The following TPT1 variants were observed in gnomAD, a reference collection of about 807,000 sequenced individuals.
TPT1 encodes the protein tumor protein, translationally-controlled 1.
Under a neutral mutation model 22.8 loss-of-function variants are expected in TPT1, and 5 were observed. The observed-to-expected ratio is 0.22, with a 90% confidence interval of 0.11 to 0.46. TPT1 has a LOEUF of 0.46. TPT1 is among the 20% of genes least tolerant of loss of function. The pLI, the probability that TPT1 is intolerant of heterozygous loss-of-function variation, is 0.99. For synonymous variants in TPT1, 89 were observed against 73.6 expected (o/e 1.21, Z -1.07); for missense variants, 130 against 218.7 (o/e 0.59, Z 2.56).
intron 5 of TPT1, 107 bp from the exon 6 acceptor site, chr13:45,337,495 T>C (rs1878779215): frequency 6.2e-7 from 1 of 1,614,000 alleles, no homozygotes; most frequent in Non-Finnish European, 8.5e-7. Flanking sequence ...TATTCCCCAA[T>C]TCAATCTGGG....
intron 4 of TPT1, 141 bp downstream of exon 4, chr13:45,339,356 A>G: frequency 3.3e-6 from 2 of 600,050 alleles, no homozygotes; most frequent in Non-Finnish European, 2.7e-6. Context: ...TCAGAAGACA[A>G]GATTTGGAAA....
intron 4 of TPT1, 158 bp downstream of exon 4, chr13:45,339,338 AT>A (rs767298709): frequency 1.5e-5 from 8 of 544,380 alleles, no homozygotes; most frequent in Non-Finnish European, 2.5e-5. Flanking sequence ...TGGGAAGCAA[AT>A]TTTCAATCAG....
chr13:45,341,105 T>C lies in TPT1; in HGVS notation c.-36A>G. ...GAAGGGAGACGACGACGGCGCTAGC[T>C]TAGCACGAGCCTGAAACTCGGAGCG... is the stretch of plus-strand genomic sequence containing the variant. On this transcript the variant is annotated 5_prime_UTR_variant, in exon 1 of 6. Coordinates refer to ENST00000530705, the MANE Select transcript of TPT1 (RefSeq NM_003295.4). The C allele has an allele frequency of 6.2e-7, 1 of 1,611,170 alleles. No homozygotes were observed. Among genetic ancestry groups the C allele is most frequent in the Non-Finnish European group, 8.5e-7 (1 of 1,178,666 alleles).
rs1878555323 is a variant in TPT1, at chr13:45,334,536, C to T, written c.*2850G>A. On this transcript the variant is annotated 3_prime_UTR_variant, in exon 6 of 6. Transcript: ENST00000530705. ...TTCCCACCTCAGTGCCAACTTTCTT[C>T]CAAACGCTCAGACCAAAATACTTGT... 1 of 152,182 alleles carries T rather than the reference C, an allele frequency of 6.6e-6. No individual in the cohort carries two copies. Among genetic ancestry groups the T allele is most frequent in the Admixed American group, 6.5e-5 (1 of 15,286 alleles). 9.4% of individuals were successfully genotyped at this position (152,182 alleles called of 1,614,324 possible). A position where few individuals can be genotyped will look rare whatever the true frequency, so the allele number is the denominator to read the frequency against.
Position 45,341,101 on chromosome 13 carries a change from T to A in TPT1, c.-32A>T. On this transcript the variant is annotated 5_prime_UTR_variant, in exon 1 of 6. Coordinates refer to ENST00000530705, the MANE Select transcript of TPT1 (RefSeq NM_003295.4). ...GACTGAAGGGAGACGACGACGGCGC[T>A]AGCTTAGCACGAGCCTGAAACTCGG... is the stretch of plus-strand genomic sequence containing the variant. 1 of 1,611,626 alleles carries A rather than the reference T, an allele frequency of 6.2e-7. No individual in the cohort carries two copies. Among genetic ancestry groups the A allele is most frequent in the Non-Finnish European group, 8.5e-7 (1 of 1,178,822 alleles).
chr13:45,339,216 C>A lies in TPT1; in HGVS notation c.399+281G>T, dbSNP rs1195813179. ...AAAGTAGAATTAACAAGCTCAGATA[C>A]ATTAGAAGGAGGACCAGTAGCAATG... On this transcript the variant is annotated intron_variant, in intron 4 of 5. Transcript: ENST00000530705. 4 of 367,204 alleles carry A rather than the reference C, an allele frequency of 1.1e-5. No homozygotes were observed. In the East Asian group the frequency reaches 1.9e-4, roughly 18 times the overall value. The allele number at this position is 367,204 out of a possible 1,614,324, so 22.7% of individuals were successfully genotyped here. A position where few individuals can be genotyped will look rare whatever the true frequency, so the allele number is the denominator to read the frequency against.
At chr13:45,339,633 T>C (rs1482021177) in intron 3 of TPT1, 31 bp from the exon 4 acceptor site, 3 of 1,544,374 alleles carry the variant, frequency 1.9e-6, no homozygotes, top group Admixed American at 2.0e-5. Flanking sequence ...CAGGTTGAAG[T>C]ATTGAATTTT....
rs1360912229 is a variant in TPT1, at chr13:45,336,969, T to G, written c.*417A>C. 1 of 189,654 alleles carries G rather than the reference T, an allele frequency of 5.3e-6. No homozygotes were observed. Among genetic ancestry groups the G allele is most frequent in the Non-Finnish European group, 1.1e-5 (1 of 91,240 alleles). The allele number at this position is 189,654 out of a possible 1,614,324, so 11.7% of individuals were successfully genotyped here. On this transcript the variant is annotated 3_prime_UTR_variant, in exon 6 of 6. Transcript: ENST00000530705. ...TGGGTAAGGCTCCACACTTCAGATGTTGGCACTGCTATGAGCATGGTCTTT... is the reference window on the plus strand; with the variant it reads ...TGGGTAAGGCTCCACACTTCAGATGGTGGCACTGCTATGAGCATGGTCTTT...
At chr13:45,339,827 G>A (rs41289549) in intron 3 of TPT1, 167 bp downstream of exon 3, 15 of 795,392 alleles carry the variant, frequency 1.9e-5, no homozygotes, top group Non-Finnish European at 2.5e-5. Flanking sequence ...GCAGGCTTCA[G>A]TATGCTCATA....
At position 45,334,885 on chromosome 13, in the gene TPT1, A is replaced by G. The variant is rs1378003188; in HGVS notation, c.*2501T>C. On this transcript the variant is annotated 3_prime_UTR_variant, in exon 6 of 6. Transcript: ENST00000530705. ...GGCCACTTTTTTCCCAGAACACATC[A>G]CACTCCAGACTAACTGCTGTTGTCT... is the stretch of plus-strand genomic sequence containing the variant. 6.6e-6 allele frequency: 1 copy of G among 152,018 alleles called. No homozygotes were observed. The highest frequency in any genetic ancestry group is 1.5e-5 in the Non-Finnish European group (1 of 68,010). The allele number at this position is 152,018 out of a possible 1,614,324, so 9.4% of individuals were successfully genotyped here. A position where few individuals can be genotyped will look rare whatever the true frequency, so the allele number is the denominator to read the frequency against.
chr13:45,340,474 C>G (rs1267924175), intron 2 of TPT1: 2 of 740,302 alleles, frequency 2.7e-6, no homozygotes, highest in East Asian at 2.7e-5. Flanking sequence ...GGACTCCAGG[C>G]TCCTAAGCCG....
chr13:45,336,768 G>C lies in TPT1; in HGVS notation c.*618C>G, dbSNP rs1878729874. The C allele has an allele frequency of 6.5e-6, 1 of 152,778 alleles. No homozygotes were observed. The highest frequency in any genetic ancestry group is 1.5e-5 in the Non-Finnish European group (1 of 68,504). The allele number at this position is 152,778 out of a possible 1,614,324, so 9.5% of individuals were successfully genotyped here. A position where few individuals can be genotyped will look rare whatever the true frequency, so the allele number is the denominator to read the frequency against. The stretch of plus-strand genomic sequence containing the variant: ...AGTGTACAAAACAGGTGGTCAGATA[G>C]GCTAGTTTGCCAGTCCCTGTTCTAG... On this transcript the variant is annotated 3_prime_UTR_variant, in exon 6 of 6. Transcript: ENST00000530705.
intron 2 of TPT1, 174 bp downstream of exon 2, chr13:45,340,538 G>T: frequency 1.2e-6 from 1 of 853,676 alleles, no homozygotes; most frequent in Non-Finnish European, 1.9e-6. Flanking sequence ...GAGGCGGCGG[G>T]CCTATTTCCA....
intron 4 of TPT1, chr13:45,339,096 G>A (rs1250369730): frequency 9.7e-6 from 3 of 308,120 alleles, no homozygotes; most frequent in Non-Finnish European, 1.8e-5. Context: ...GGCTGACAGT[G>A]ATAGAATATA....
chr13:45,337,810 T>C (rs1283515185), intron 5 of TPT1, among the ~76,000 whole-genome samples: 4 of 152,222 alleles, frequency 2.6e-5, no homozygotes, highest in African/African-American at 4.8e-5. Context: ...TTCTTCCTTA[T>C]ACAGAAGCCT....
chr13:45,337,705 C>T, intron 5 of TPT1: 1 of 732,282 alleles, frequency 1.4e-6, no homozygotes, highest in South Asian at 1.6e-5. Context: ...CAGATACTGT[C>T]TGAATAACCC....
In TPT1 at chr13:45,334,441, A is replaced by G. The variant is rs1000947155; in HGVS notation, c.*2945T>C. 1 of 152,218 alleles carries G rather than the reference A, an allele frequency of 6.6e-6. No homozygotes were observed. Among genetic ancestry groups the G allele is most frequent in the Non-Finnish European group, 1.5e-5 (1 of 68,040 alleles). 9.4% of individuals were successfully genotyped at this position (152,218 alleles called of 1,614,324 possible). A position where few individuals can be genotyped will look rare whatever the true frequency, so the allele number is the denominator to read the frequency against. On this transcript the variant is annotated 3_prime_UTR_variant, in exon 6 of 6. Coordinates refer to ENST00000530705, the MANE Select transcript of TPT1 (RefSeq NM_003295.4). ...CTTTCCACTCTCTATATAGTTCTCC[A>G]GCTTAGACTTCTCTGAAGAATCAGC...
intron 5 of TPT1, 85 bp downstream of exon 5, chr13:45,338,575 A>C (rs1244855693): frequency 6.4e-7 from 1 of 1,552,292 alleles, no homozygotes; most frequent in Non-Finnish European, 8.7e-7. Flanking sequence ...TGTAAAACTC[A>C]TTCTCAGTGT....
chr13:45,334,211 TA>T lies in TPT1; in HGVS notation c.*3174del, dbSNP rs1878537569. 6.6e-6 allele frequency: 1 copy of T among 152,242 alleles called. No homozygotes were observed. Among genetic ancestry groups the T allele is most frequent in the African/African-American group, 2.4e-5 (1 of 41,530 alleles). The allele number at this position is 152,242 out of a possible 1,614,324, so 9.4% of individuals were successfully genotyped here. On this transcript the variant is annotated 3_prime_UTR_variant, in exon 6 of 6. Transcript: ENST00000530705. ...ACAGGCATGAGCCATGGTTCCTGGC[TA>T]AATTTTAGAGATGGGGTCTCCCTGT...
Sources: gnomAD v4.1 joint callset for allele counts (sites outside exome capture counted in the v4.1 genomes callset) on GRCh38, gnomAD v4.1.1 for gene constraint, MANE v1.5 for transcripts, NCBI Gene and HGNC (gene_info 2026-07-23, HGNC 2026-07-21) for gene names.